CACNA2D3: variants seen among roughly 807,000 people sequenced by gnomAD.
CACNA2D3 encodes voltage-dependent calcium channel subunit alpha-2/delta-3.
CACNA2D3 carries 60 observed loss-of-function variants against 160.6 expected under a neutral mutation model. That is an observed-to-expected ratio of 0.37 (90% CI 0.30 to 0.46). The LOEUF (loss-of-function observed/expected upper bound fraction) is 0.46. Among genes scored for constraint, CACNA2D3 ranks in the 20% least tolerant of loss-of-function variants. The probability of loss-of-function intolerance (pLI) is 1.00; values close to 1 mark genes in which losing one functional copy is unlikely to be tolerated. For synonymous variants in CACNA2D3, 558 were observed against 492.9 expected, an observed-to-expected ratio of 1.13 and a Z score of -1.75; for missense variants, 1,205 against 1,365.0, an observed-to-expected ratio of 0.88 and a Z score of 1.85.
intron 8 of CACNA2D3, among the ~76,000 whole-genome samples, chr3:54,573,549 C>T (rs538462082): frequency 4.1e-4 from 62 of 152,344 alleles, no homozygotes; most frequent in African/African-American, 1.4e-3. Context: ...AGCATTCCAT[C>T]ACATTTGTTA....
intron 12 of CACNA2D3, 58 bp downstream of exon 12, chr3:54,752,735 G>A (rs1167805086): frequency 4.0e-6 from 5 of 1,236,096 alleles, no homozygotes. Flanking sequence ...TGCAGAATTA[G>A]GAATATTCAT....
chr3:54,963,669 T>A (rs1316929837), intron 27 of CACNA2D3, among the ~76,000 whole-genome samples: 1 of 152,210 alleles, frequency 6.6e-6, no homozygotes, highest in East Asian at 1.9e-4. Context: ...GTGTTTTGGA[T>A]GATGCCCTGC....
intron 2 of CACNA2D3, among the ~76,000 whole-genome samples, chr3:54,306,723 G>A (rs1703611401): frequency 6.6e-6 from 1 of 152,226 alleles, no homozygotes; most frequent in Non-Finnish European, 1.5e-5. Flanking sequence ...GGCAGTGCCT[G>A]ATTGGAGGCT....
chr3:54,431,074 C>T (rs1000582365), intron 4 of CACNA2D3, among the ~76,000 whole-genome samples: 2 of 152,030 alleles, frequency 1.3e-5, no homozygotes, highest in South Asian at 4.1e-4. Flanking sequence ...TGCGGTGGCT[C>T]ACGGCTGTAA....
intron 12 of CACNA2D3, among the ~76,000 whole-genome samples, chr3:54,757,033 G>A (rs748418918): frequency 3.9e-5 from 6 of 152,072 alleles, no homozygotes; most frequent in Non-Finnish European, 7.4e-5. Context: ...AAAGTTATGC[G>A]TTCACACTAT....
intron 6 of CACNA2D3, among the ~76,000 whole-genome samples, chr3:54,565,696 AC>A (rs1244079798): frequency 6.6e-6 from 1 of 152,210 alleles, no homozygotes. Flanking sequence ...GTTAGTAGTC[AC>A]CATGTTGAAT....
chr3:54,433,901 A>AC (rs1700024362), intron 4 of CACNA2D3, among the ~76,000 whole-genome samples: 1 of 152,144 alleles, frequency 6.6e-6, no homozygotes, highest in South Asian at 2.1e-4. Flanking sequence ...TAATTATCCA[A>AC]CCCCCTGAAA....
At chr3:54,353,176 A>G (rs927573743) in intron 3 of CACNA2D3, among the ~76,000 whole-genome samples, 1 of 152,134 alleles carries the variant, frequency 6.6e-6, no homozygotes, top group African/African-American at 2.4e-5. Flanking sequence ...TTTTCTTGTC[A>G]CCTTATTTAA....
At chr3:54,329,698 A>C (rs1411377931) in intron 3 of CACNA2D3, among the ~76,000 whole-genome samples, 3 of 152,216 alleles carry the variant, frequency 2.0e-5, no homozygotes, top group South Asian at 2.1e-4. Flanking sequence ...ATGATGGGTG[A>C]ATTACTGATG....
intron 2 of CACNA2D3, among the ~76,000 whole-genome samples, chr3:54,176,353 G>A (rs1295856667): frequency 4.6e-5 from 7 of 152,228 alleles, no homozygotes; most frequent in Admixed American, 4.6e-4. Flanking sequence ...AGCCATGAAT[G>A]CCTTGACTCA....
intron 18 of CACNA2D3, among the ~76,000 whole-genome samples, chr3:54,874,280 A>G (rs2106826803): frequency 6.6e-6 from 1 of 152,368 alleles, no homozygotes. Context: ...GTTAGGCATC[A>G]GGGCAGGAAT....
intron 27 of CACNA2D3, among the ~76,000 whole-genome samples, chr3:54,926,282 A>C (rs1053036685): frequency 6.6e-6 from 1 of 152,196 alleles, no homozygotes; most frequent in Non-Finnish European, 1.5e-5. Flanking sequence ...CCTTGTAAAT[A>C]TGGTTCCATT....
intron 4 of CACNA2D3, among the ~76,000 whole-genome samples, chr3:54,468,871 C>G (rs1456242427): frequency 6.6e-6 from 1 of 152,190 alleles, no homozygotes; most frequent in Non-Finnish European, 1.5e-5. Context: ...GCCGGACTGC[C>G]TCTCTTGCCT....
rs113156592 is a variant in CACNA2D3 at position 54,587,377 on chromosome 3, T to C, written c.963+5500T>C. On this transcript the variant is annotated intron_variant, in intron 9 of 37. Coordinates refer to ENST00000474759, the MANE Select transcript of CACNA2D3 (RefSeq NM_018398.3). The stretch of plus-strand genomic sequence containing the variant: ...TTGGAGACCATCCTGGCCAACATTG[T>C]GAAACCCTGTCTCTACTAAAAATGC... Among the ~76,000 whole-genome samples the C allele has an allele frequency of 3.6e-4, 55 of 152,082 alleles. 1 individual carries two copies. Among genetic ancestry groups the C allele is most frequent in the African/African-American group, 1.2e-3 (48 of 41,490 alleles).
chr3:54,239,761 C>G (rs570970545), intron 2 of CACNA2D3, among the ~76,000 whole-genome samples: 30 of 152,340 alleles, frequency 2.0e-4, no homozygotes, highest in African/African-American at 7.2e-4. Flanking sequence ...TCACACAAGT[C>G]AATCTTATGT....
Position 54,261,426 on chromosome 3 carries a change from T to G in CACNA2D3, c.205-59016T>G, listed in dbSNP as rs115129298. Reference sequence around the variant, plus strand: ...TCTTCCTCTACCAGACCCTTAGTCTTGGTCCTAGGACTGCTTTTATTAATT... The same window carrying G: ...TCTTCCTCTACCAGACCCTTAGTCTGGGTCCTAGGACTGCTTTTATTAATT... On this transcript the variant is annotated intron_variant, in intron 2 of 37. Coordinates refer to ENST00000474759, the MANE Select transcript of CACNA2D3 (RefSeq NM_018398.3). Among the ~76,000 whole-genome samples, 818 of 152,326 alleles carry G rather than the reference T, an allele frequency of 5.4e-3. 8 individuals carry two copies. Among genetic ancestry groups the G allele is most frequent in the African/African-American group, 0.018 (762 of 41,578 alleles).
chr3:54,637,488 T>C (rs2106836287), intron 10 of CACNA2D3, among the ~76,000 whole-genome samples: 1 of 152,000 alleles, frequency 6.6e-6, no homozygotes, highest in South Asian at 2.1e-4. Flanking sequence ...CAGGTGGGGA[T>C]AACTAAAAAG....
At position 54,621,717 on chromosome 3, in the gene CACNA2D3, T is replaced by C. The variant is rs1011795409; in HGVS notation, c.964-6070T>C. Among the ~76,000 whole-genome samples the C allele has an allele frequency of 2.6e-5, 4 of 152,248 alleles. No individual in the cohort carries two copies. In the East Asian group the frequency reaches 5.8e-4, roughly 22 times the overall value. Reference sequence around the variant, plus strand: ...CCCTTGAGGCACTCGGGTCCTGGGGTCAGTGAAGTCAGCTACGTGTCTCTA... The same window carrying C: ...CCCTTGAGGCACTCGGGTCCTGGGGCCAGTGAAGTCAGCTACGTGTCTCTA... On this transcript the variant is annotated intron_variant, in intron 9 of 37. Coordinates refer to ENST00000474759, the MANE Select transcript of CACNA2D3 (RefSeq NM_018398.3).
intron 11 of CACNA2D3, among the ~76,000 whole-genome samples, chr3:54,657,661 A>G (rs544275318): frequency 2.6e-5 from 4 of 152,158 alleles, no homozygotes; most frequent in Admixed American, 2.6e-4. Context: ...TTCACTTTGC[A>G]TAATGTCTTC....
Sources: gnomAD v4.1 joint callset for allele counts (sites outside exome capture counted in the v4.1 genomes callset) on GRCh38, gnomAD v4.1.1 for gene constraint, MANE v1.5 for transcripts, NCBI Gene and HGNC (gene_info 2026-07-23, HGNC 2026-07-21) for gene names.